Variants in CWC27 observed in about 807,000 individuals in gnomAD.
CWC27 encodes the protein spliceosome-associated protein CWC27 homolog.
A neutral mutation model predicts 63.6 loss-of-function variants in CWC27; 47 were observed. The ratio of observed to expected loss-of-function variants is 0.74; its 90% CI spans 0.58 to 0.94. The LOEUF (loss-of-function observed/expected upper bound fraction) is 0.94, where lower values mean the gene tolerates loss of function less well. Ranked by LOEUF, CWC27 falls within the 40% of genes least tolerant of loss-of-function variation. The pLI is 0.00. For missense variants in CWC27, 495 were observed against 554.3 expected (o/e 0.89, Z 1.07); for synonymous variants, 175 against 179.8 (o/e 0.97, Z 0.22).
rs2112165626 is a variant in CWC27 at position 64,783,833 on chromosome 5, C to A, written c.253-3C>A. On this transcript the variant is annotated splice_polypyrimidine_tract_variant and splice_region_variant and intron_variant, in intron 3 of 13. Coordinates refer to ENST00000381070, the MANE Select transcript of CWC27 (RefSeq NM_005869.4). The stretch of plus-strand genomic sequence containing the variant: ...ACATTCACTAAATCTTTTTACATTT[C>A]AGGATGAATTTCATTCACGGTTGCG... 1.3e-6 allele frequency: 2 copies of A among 1,558,274 alleles called. No homozygotes were observed. The highest frequency in any genetic ancestry group is 1.2e-5 in the South Asian group (1 of 81,124).
At position 64,822,083 on chromosome 5, in the gene CWC27, C is replaced by T. The variant is rs1745213742; in HGVS notation, c.938+17697C>T. 3.3e-5 allele frequency among the ~76,000 whole-genome samples: 5 copies of T among 152,204 alleles called. No individual in the cohort carries two copies. The South Asian group carries it at 1.0e-3, about 32-fold the overall frequency. On this transcript the variant is annotated intron_variant, in intron 10 of 13. Transcript: ENST00000381070. ...GTCCTTTAGATGGTAGAAAACAATACAAAGATTTAAAGTTGGAAAGTTACA... is the reference window on the plus strand; with the variant it reads ...GTCCTTTAGATGGTAGAAAACAATATAAAGATTTAAAGTTGGAAAGTTACA...
At chr5:64,875,051 T>G (rs886304475) in intron 10 of CWC27, among the ~76,000 whole-genome samples, 2 of 151,858 alleles carry the variant, frequency 1.3e-5, no homozygotes, top group Non-Finnish European at 2.9e-5. Context: ...ATTCTGAGAT[T>G]TTTACTTGGT....
intron 10 of CWC27, among the ~76,000 whole-genome samples, chr5:64,827,992 G>T (rs1271206362): frequency 6.6e-6 from 1 of 152,048 alleles, no homozygotes; most frequent in East Asian, 1.9e-4. Context: ...AGCCATCTTG[G>T]TATCAAATTG....
At chr5:64,933,638 A>G (rs1012557843) in intron 11 of CWC27, among the ~76,000 whole-genome samples, 3 of 151,810 alleles carry the variant, frequency 2.0e-5, no homozygotes, top group Non-Finnish European at 4.4e-5. Context: ...GACTACAGGC[A>G]TGCACCACCA....
chr5:64,952,554 G>A (rs2112426373), intron 11 of CWC27, among the ~76,000 whole-genome samples: 1 of 152,050 alleles, frequency 6.6e-6, no homozygotes, highest in African/African-American at 2.4e-5. Context: ...CTTGCAAATT[G>A]TGTGTCTAGA....
chr5:64,879,723 G>A (rs1327379531), intron 10 of CWC27, among the ~76,000 whole-genome samples: 1 of 151,362 alleles, frequency 6.6e-6, no homozygotes, highest in African/African-American at 2.4e-5. Flanking sequence ...TGGATTACAA[G>A]TCAGGTATTA....
At chr5:64,798,694 C>T (rs1744367395) in intron 7 of CWC27, among the ~76,000 whole-genome samples, 2 of 152,014 alleles carry the variant, frequency 1.3e-5, no homozygotes, top group Non-Finnish European at 2.9e-5. Flanking sequence ...ATTTAAGAGC[C>T]TGTTTTTCAA....
At chr5:64,887,687 A>C (rs866596794) in intron 11 of CWC27, among the ~76,000 whole-genome samples, 1 of 152,146 alleles carries the variant, frequency 6.6e-6, no homozygotes, top group Non-Finnish European at 1.5e-5. Context: ...CCATAATGCT[A>C]TGTAGTGAGA....
chr5:64,931,003 C>T (rs1310433601), intron 11 of CWC27, among the ~76,000 whole-genome samples: 2 of 151,922 alleles, frequency 1.3e-5, no homozygotes, highest in Non-Finnish European at 2.9e-5. Flanking sequence ...ACAGAGACAT[C>T]AAAACTAAAT....
At chr5:64,882,108 C>A (rs896423884) in intron 10 of CWC27, among the ~76,000 whole-genome samples, 5 of 152,078 alleles carry the variant, frequency 3.3e-5, no homozygotes, top group African/African-American at 9.7e-5. Context: ...ATTGTACTTA[C>A]CTGAGAACAC....
At chr5:64,792,747 T>C (rs764216937) in intron 7 of CWC27, among the ~76,000 whole-genome samples, 2 of 152,164 alleles carry the variant, frequency 1.3e-5, no homozygotes, top group Admixed American at 6.6e-5. Context: ...TGTGTCATCT[T>C]TGAGTGGCAG....
At chr5:64,865,865 C>T (rs1347048462) in intron 10 of CWC27, among the ~76,000 whole-genome samples, 1 of 151,972 alleles carries the variant, frequency 6.6e-6, no homozygotes, top group African/African-American at 2.4e-5. Context: ...GTTAAAATAA[C>T]AGTACATCTT....
intron 11 of CWC27, among the ~76,000 whole-genome samples, chr5:64,897,771 A>T (rs957640348): frequency 5.9e-5 from 9 of 152,280 alleles, no homozygotes; most frequent in African/African-American, 2.2e-4. Context: ...TGGACAATCA[A>T]ATCGTTAAGG....
chr5:64,779,943 A>C (rs1003255302), intron 2 of CWC27, among the ~76,000 whole-genome samples: 1 of 152,304 alleles, frequency 6.6e-6, no homozygotes, highest in African/African-American at 2.4e-5. Flanking sequence ...GCCATCCGCC[A>C]TGATTGTAAG....
At position 64,953,638 on chromosome 5, in the gene CWC27, C is replaced by T. The variant is rs553949906; in HGVS notation, c.1043-18065C>T. On this transcript the variant is annotated intron_variant, in intron 11 of 13. Coordinates refer to ENST00000381070, the MANE Select transcript of CWC27 (RefSeq NM_005869.4). ...AATCAGACAAACCCAAATAATCCTTCTACAATAAAGGATTAATTAATGCCA... is the reference window on the plus strand; with the variant it reads ...AATCAGACAAACCCAAATAATCCTTTTACAATAAAGGATTAATTAATGCCA... Among the ~76,000 whole-genome samples the T allele has an allele frequency of 2.1e-3, 320 of 152,030 alleles. 2 individuals are homozygous for T. The highest frequency in any genetic ancestry group is 7.4e-3 in the African/African-American group (306 of 41,476).
rs143986997 is a variant in CWC27 at position 64,869,046 on chromosome 5, G to A, written c.939-16397G>A. Reference sequence around the variant, plus strand: ...GGACTTGGAACATTTTTGGAATAGAGGAAAAGAAAGCCATGTGAAATTCTA... The same window carrying A: ...GGACTTGGAACATTTTTGGAATAGAAGAAAAGAAAGCCATGTGAAATTCTA... On this transcript the variant is annotated intron_variant, in intron 10 of 13. Coordinates refer to ENST00000381070, the MANE Select transcript of CWC27 (RefSeq NM_005869.4). 6.0e-3 allele frequency among the ~76,000 whole-genome samples: 912 copies of A among 151,942 alleles called. 8 individuals carry two copies. The highest frequency in any genetic ancestry group is 0.011 in the Non-Finnish European group (728 of 67,906).
chr5:64,885,482 A>T lies in CWC27; in HGVS notation c.978A>T (p.Glu326Asp), dbSNP rs1361057928. ...AAGAAGCAAGACAATTAAAACGGGAACTCTTAGCAGCAAAACAAAAAAAAG... is the reference window on the plus strand; with the variant it reads ...AAGAAGCAAGACAATTAAAACGGGATCTCTTAGCAGCAAAACAAAAAAAAG... ...LRKEARQLKRELLAAKQKKVE... is the reference protein window; with the variant it reads ...LRKEARQLKRDLLAAKQKKVE... Residue 326 changes from glutamate (E) to aspartate (D), a missense_variant, in exon 11 of 14, where the codon GAA becomes GAT. Physicochemically the swap from Glu to Asp is conservative, Grantham distance 45. Around this residue, in one of 3 missense-constraint regions of CWC27, gnomAD observed 463 missense variants for 498.1 expected, o/e 0.93. Coordinates refer to ENST00000381070, the MANE Select transcript of CWC27 (RefSeq NM_005869.4). 6.2e-7 allele frequency: 1 copy of T among 1,609,910 alleles called. No individual in the cohort carries two copies. Among genetic ancestry groups the T allele is most frequent in the Non-Finnish European group, 8.5e-7 (1 of 1,178,290 alleles).
intron 11 of CWC27, among the ~76,000 whole-genome samples, chr5:64,942,171 A>G (rs1046747460): frequency 2.6e-5 from 4 of 151,928 alleles, no homozygotes; most frequent in Admixed American, 2.6e-4. Context: ...CATGCCTATA[A>G]TCCCAATATT....
At chr5:64,882,256 T>C (rs1325416223) in intron 10 of CWC27, among the ~76,000 whole-genome samples, 1 of 152,248 alleles carries the variant, frequency 6.6e-6, no homozygotes, top group Non-Finnish European at 1.5e-5. Context: ...ATTTAAAGTC[T>C]GGTCATTCAA....
Sources: gnomAD v4.1 joint callset for allele counts (sites outside exome capture counted in the v4.1 genomes callset) on GRCh38, gnomAD v4.1.1 for gene constraint, gnomAD v4.1.1 regional missense constraint, MANE v1.5 for transcripts, NCBI Gene and HGNC (gene_info 2026-07-23, HGNC 2026-07-21) for gene names.